The following LEMD2 variants were observed in gnomAD, a reference collection of about 807,000 sequenced individuals.
LEMD2 encodes LEM domain nuclear envelope protein 2.
A neutral mutation model predicts 58.8 loss-of-function variants in LEMD2; 34 were observed. The observed-to-expected ratio is 0.58, with a 90% confidence interval of 0.44 to 0.77. The LOEUF (loss-of-function observed/expected upper bound fraction) is 0.77. Among genes scored for constraint, LEMD2 ranks in the 30% least tolerant of loss-of-function variants. The probability of loss-of-function intolerance (pLI) is 0.00; values close to 1 mark genes in which losing one functional copy is unlikely to be tolerated. For synonymous variants in LEMD2, 298 were observed against 308.9 expected, an observed-to-expected ratio of 0.96 and a Z score of 0.37; for missense variants, 629 against 717.9, an observed-to-expected ratio of 0.88 and a Z score of 1.42.
At chr6:33,774,168 CTTTTTTTT>C (rs11349649) in intron 8 of LEMD2, among the ~76,000 whole-genome samples, 1 of 115,364 alleles carries the variant, frequency 8.7e-6, no homozygotes, top group Non-Finnish European at 1.8e-5. Context: ...TAGGCACTGA[CTTTTTTTT>C]TTTTTTTTTT....
At position 33,780,117 on chromosome 6, in the gene LEMD2, G is replaced by A; in HGVS notation, c.993C>T (p.Asn331=). The change falls in exon 5 of 9, where the codon AAC becomes AAT. Residue 331 remains asparagine, a synonymous_variant. Transcript: ENST00000293760. ...ACACTCACCAGATGCCCACGTCCTT[G>A]TTACTGCTCAGTATCCAGGTCAGTG... ...EAALTWILSS[N]KDVGIWLKGE... The A allele has an allele frequency of 6.3e-7, 1 of 1,593,518 alleles. No individual in the cohort carries two copies. The highest frequency in any genetic ancestry group is 8.6e-7 in the Non-Finnish European group (1 of 1,168,720).
At chr6:33,779,591 G>T (rs907344316) in intron 5 of LEMD2, 4 of 152,738 alleles carry the variant, frequency 2.6e-5, no homozygotes, top group African/African-American at 9.7e-5. Flanking sequence ...TCAGCCTCAT[G>T]AAAGGGTTTG....
chr6:33,775,584 G>A (rs755239), intron 8 of LEMD2, among the ~76,000 whole-genome samples: 18,342 of 152,160 alleles, frequency 0.12, 1,460 homozygotes, highest in Middle Eastern at 0.22. Flanking sequence ...CAAAATGCTG[G>A]GATTACAGGT....
At chr6:33,780,659 CA>C (rs1322478446) in intron 4 of LEMD2, among the ~76,000 whole-genome samples, 1 of 152,180 alleles carries the variant, frequency 6.6e-6, no homozygotes, top group African/African-American at 2.4e-5. Context: ...CCTGGAATAC[CA>C]GCTCCATAGT....
chr6:33,778,356 T>A lies in LEMD2; in HGVS notation c.1042A>T (p.Thr348Ser), dbSNP rs1252917697. 4 of 1,587,836 alleles carry A rather than the reference T, an allele frequency of 2.5e-6. No homozygotes were observed. Among genetic ancestry groups the A allele is most frequent in the Non-Finnish European group, 3.4e-6 (4 of 1,165,986 alleles). The change falls in exon 6 of 9, where the codon ACG (threonine) becomes TCG (serine). Residue 348 changes from threonine to serine, a missense_variant. By Grantham distance (58) the Thr-to-Ser change is moderately conservative. Coordinates refer to ENST00000293760, the MANE Select transcript of LEMD2 (RefSeq NM_181336.4). This position sits in a 1 kb window ranked among gnomAD's most constrained non-coding sequence, Gnocchi z 4.7. ...LKGEDQSELV[T>S]TVDKVVCLES... ...AGGCAGACCACCTTGTCCACAGTCG[T>A]CACCAATTCAGACTGGTCTTCTCCT...
Position 33,776,937 on chromosome 6 carries a change from C to T in LEMD2, c.1361+17G>A, listed in dbSNP as rs376986618. 2.5e-6 allele frequency: 4 copies of T among 1,608,058 alleles called. No homozygotes were observed. The highest frequency in any genetic ancestry group is 1.3e-5 in the African/African-American group (1 of 74,788). ...CCCCATCTTACCTCACACCCAGCGC[C>T]CCAGCCAGGGACTCACCGGCTCTGT... On this transcript the variant is annotated intron_variant, in intron 8 of 8. Transcript: ENST00000293760.
chr6:33,780,744 G>A (rs1767547884), intron 4 of LEMD2, among the ~76,000 whole-genome samples: 1 of 152,172 alleles, frequency 6.6e-6, no homozygotes, highest in Non-Finnish European at 1.5e-5. Flanking sequence ...AATCATACGG[G>A]GGAGAAGGGA....
At chr6:33,784,594 GT>G in intron 2 of LEMD2, 167 bp from the exon 3 acceptor site, 1 of 582,472 alleles carries the variant, frequency 1.7e-6, no homozygotes, top group Non-Finnish European at 3.1e-6. Context: ...TAGGGAGAGA[GT>G]TGATAAATAT....
chr6:33,787,630 C>G (rs1767710450), intron 1 of LEMD2, among the ~76,000 whole-genome samples: 1 of 152,220 alleles, frequency 6.6e-6, no homozygotes, highest in African/African-American at 2.4e-5. Flanking sequence ...GAAATGATCT[C>G]TATGTTTCCT....
intron 4 of LEMD2, 193 bp from the exon 5 acceptor site, chr6:33,780,372 G>T (rs1322676597): frequency 1.6e-6 from 1 of 614,892 alleles, no homozygotes; most frequent in African/African-American, 1.8e-5. Context: ...TATAACCAGA[G>T]GAGGTGATGC....
At chr6:33,784,593 A>T in intron 2 of LEMD2, 166 bp from the exon 3 acceptor site, 1 of 584,758 alleles carries the variant, frequency 1.7e-6, no homozygotes. Context: ...CTAGGGAGAG[A>T]GTTGATAAAT....
At chr6:33,784,113 G>A (rs2127382172) in intron 3 of LEMD2, among the ~76,000 whole-genome samples, 1 of 152,354 alleles carries the variant, frequency 6.6e-6, no homozygotes, top group South Asian at 2.1e-4. Context: ...CTGTTCACAT[G>A]CCAGGACCTC....
Position 33,788,639 on chromosome 6 carries a change from G to A in LEMD2, c.478C>T (p.Arg160Cys). ...RATQGPGLAA[R>C]RWWAASPAPA... is the part of the protein sequence containing the mutation. Reference sequence around the variant, plus strand: ...GCGGGAGACGCTGCCCACCAGCGGCGGGCCGCGAGACCCGGGCCCTGCGTG... The same window carrying A: ...GCGGGAGACGCTGCCCACCAGCGGCAGGCCGCGAGACCCGGGCCCTGCGTG... Residue 160 changes from arginine to cysteine, a missense_variant, in exon 1 of 9, where the codon CGC (arginine) becomes TGC (cysteine). Around this residue, in one of 2 missense-constraint regions of LEMD2, gnomAD observed 386 missense variants for 381.1 expected, o/e 1.01. Coordinates refer to ENST00000293760, the MANE Select transcript of LEMD2 (RefSeq NM_181336.4). 3.1e-6 allele frequency: 4 copies of A among 1,274,256 alleles called. No homozygotes were observed. The highest frequency in any genetic ancestry group is 3.9e-6 in the Non-Finnish European group (4 of 1,014,306). The allele number at this position is 1,274,256 out of a possible 1,614,324, so 78.9% of individuals were successfully genotyped here. A position where few individuals can be genotyped will look rare whatever the true frequency, so the allele number is the denominator to read the frequency against.
chr6:33,783,204 T>G (rs1767603444), intron 3 of LEMD2, among the ~76,000 whole-genome samples: 1 of 152,182 alleles, frequency 6.6e-6, no homozygotes. Context: ...AGGTCAGAAT[T>G]GACATCCCAA....
chr6:33,777,246 G>A lies in LEMD2; in HGVS notation c.1157-7C>T, dbSNP rs1767453049. ...CCCCACAAAAAAGCCAAGCCTGTGA[G>A]GGAACAAAACACTGTTAATCCCTCA... is the stretch of plus-strand genomic sequence containing the variant. On this transcript the variant is annotated splice_polypyrimidine_tract_variant and splice_region_variant and intron_variant, in intron 6 of 8. Transcript: ENST00000293760. The A allele has an allele frequency of 1.3e-6, 2 of 1,592,386 alleles. No individual in the cohort carries two copies. The highest frequency in any genetic ancestry group is 1.7e-6 in the Non-Finnish European group (2 of 1,160,104).
At chr6:33,788,250 T>G in intron 1 of LEMD2, 131 bp downstream of exon 1, 1 of 967,554 alleles carries the variant, frequency 1.0e-6, no homozygotes, top group Admixed American at 3.2e-5. Flanking sequence ...AAGGCAGGCC[T>G]GGAAATGAGA....
In LEMD2 at chr6:33,788,842, G is replaced by C; in HGVS notation, c.275C>G (p.Pro92Arg). 1 of 1,409,670 alleles carries C rather than the reference G, an allele frequency of 7.1e-7. No individual in the cohort carries two copies. Among genetic ancestry groups the C allele is most frequent in the South Asian group, 1.5e-5 (1 of 68,312 alleles). The allele number at this position is 1,409,670 out of a possible 1,614,324, so 87.3% of individuals were successfully genotyped here. The change falls in exon 1 of 9, where the codon CCG becomes CGG. Residue 92 changes from proline to arginine, a missense_variant. Around this residue, in one of 2 missense-constraint regions of LEMD2, gnomAD observed 386 missense variants for 381.1 expected, o/e 1.01. Coordinates refer to ENST00000293760, the MANE Select transcript of LEMD2 (RefSeq NM_181336.4). ...GGTCGCGTAGGCCGAGCCCGAGGCCGGCTGGGAGAGCCAGGGCTCCGCCCG... is the reference window on the plus strand; with the variant it reads ...GGTCGCGTAGGCCGAGCCCGAGGCCCGCTGGGAGAGCCAGGGCTCCGCCCG... The part of the protein sequence containing the change: ...SPRAEPWLSQ[P>R]ASGSAYATPG...
chr6:33,787,025 G>A, intron 1 of LEMD2: 1 of 722,830 alleles, frequency 1.4e-6, no homozygotes, highest in South Asian at 2.3e-5. Flanking sequence ...AGTTTCTTGG[G>A]CAACTCAACC....
Position 33,789,023 on chromosome 6 carries a change from G to A in LEMD2, c.94C>T (p.Arg32Cys). The A allele has an allele frequency of 1.9e-6, 3 of 1,557,238 alleles. No individual in the cohort carries two copies. Among genetic ancestry groups the A allele is most frequent in the Non-Finnish European group, 2.6e-6 (3 of 1,158,352 alleles). ...PITDTTRDVY[R>C]NKLRRLRGEA... ...CCCCGCAGGCGGCGCAGCTTGTTGCGGTAGACATCCCGGGTGGTGTCGGTG... is the reference window on the plus strand; with the variant it reads ...CCCCGCAGGCGGCGCAGCTTGTTGCAGTAGACATCCCGGGTGGTGTCGGTG... The change falls in exon 1 of 9, where the codon CGC becomes TGC. Residue 32 changes from arginine to cysteine, a missense_variant. Arg to Cys is a radical substitution (Grantham distance 180). Around this residue, in one of 2 missense-constraint regions of LEMD2, gnomAD observed 386 missense variants for 381.1 expected, o/e 1.01. Coordinates refer to ENST00000293760, the MANE Select transcript of LEMD2 (RefSeq NM_181336.4).
Sources: gnomAD v4.1 joint callset for allele counts (sites outside exome capture counted in the v4.1 genomes callset) on GRCh38, gnomAD v4.1.1 for gene constraint, gnomAD v4.1.1 regional missense constraint, Gnocchi (gnomAD v3.1) non-coding constraint, MANE v1.5 for transcripts, NCBI Gene and HGNC (gene_info 2026-07-23, HGNC 2026-07-21) for gene names.